Variants in PKD1L1 observed in about 807,000 individuals in gnomAD.
PKD1L1 encodes polycystin 1 like 1, transient receptor potential channel interacting.
A neutral mutation model predicts 323.4 loss-of-function variants in PKD1L1; 236 were observed. The ratio of observed to expected loss-of-function variants is 0.73; its 90% CI spans 0.66 to 0.81. PKD1L1 has a LOEUF of 0.81. Ranked by LOEUF, PKD1L1 falls within the 40% of genes least tolerant of loss-of-function variation. The probability of loss-of-function intolerance (pLI) is 0.00; values close to 1 mark genes in which losing one functional copy is unlikely to be tolerated. For synonymous variants in PKD1L1, 1,344 were observed against 1,335.0 expected (o/e 1.01, Z -0.15); for missense variants, 3,320 against 3,508.0 (o/e 0.95, Z 1.35).
At chr7:47,794,526 G>A (rs1787028804) in intron 55 of PKD1L1, among the ~76,000 whole-genome samples, 1 of 152,204 alleles carries the variant, frequency 6.6e-6, no homozygotes, top group Admixed American at 6.5e-5. Flanking sequence ...AAGATGTATG[G>A]AAATGCCTGG....
chr7:47,868,353 G>C (rs1330940900), intron 24 of PKD1L1, among the ~76,000 whole-genome samples: 1 of 151,356 alleles, frequency 6.6e-6, no homozygotes, highest in African/African-American at 2.4e-5. Flanking sequence ...TGGGCGACAG[G>C]GTGAGACCTT....
At chr7:47,856,621 C>T (rs939258179) in intron 28 of PKD1L1, among the ~76,000 whole-genome samples, 7 of 152,208 alleles carry the variant, frequency 4.6e-5, no homozygotes, top group South Asian at 4.2e-4. Context: ...GTCACACTGC[C>T]GAGCACCCTG....
intron 21 of PKD1L1, among the ~76,000 whole-genome samples, chr7:47,880,039 A>C (rs1020651302): frequency 1.7e-4 from 25 of 151,418 alleles, no homozygotes; most frequent in Non-Finnish European, 2.1e-4. Flanking sequence ...CAAAACGATG[A>C]TCTCAGATTG....
chr7:47,806,364 C>T (rs1297773589), intron 52 of PKD1L1, among the ~76,000 whole-genome samples: 1 of 152,230 alleles, frequency 6.6e-6, no homozygotes, highest in Non-Finnish European at 1.5e-5. Context: ...CCTTTAAGCA[C>T]AGGCAAGGGA....
Position 47,890,674 on chromosome 7 carries a change from G to C in PKD1L1, c.2543C>G (p.Thr848Ser). 1 of 1,614,114 alleles carries C rather than the reference G, an allele frequency of 6.2e-7. No homozygotes were observed. Among genetic ancestry groups the C allele is most frequent in the South Asian group, 1.1e-5 (1 of 91,076 alleles). Residue 848 changes from threonine (T) to serine (S), a missense_variant, in exon 16 of 57, where the codon ACT (threonine) becomes AGT (serine). Physicochemically the swap from Thr to Ser is moderately conservative, Grantham distance 58. Coordinates refer to ENST00000289672, the MANE Select transcript of PKD1L1 (RefSeq NM_138295.5). ...TAHQLDAAAP[T>S]VSFEAQWLSD... ...GAGCCATTGTGCCTCAAAGGAAACA[G>C]TGGGAGCCGCGGCATCCAGTTGGTG... is the stretch of plus-strand genomic sequence containing the variant.
intron 14 of PKD1L1, among the ~76,000 whole-genome samples, chr7:47,894,881 T>G (rs1465255631): frequency 6.6e-6 from 1 of 151,840 alleles, no homozygotes; most frequent in African/African-American, 2.4e-5. Flanking sequence ...CTGACGCAAT[T>G]TGAAAAAATA....
intron 36 of PKD1L1, among the ~76,000 whole-genome samples, chr7:47,838,343 G>C (rs1785499614): frequency 6.6e-6 from 1 of 152,212 alleles, no homozygotes; most frequent in Admixed American, 6.5e-5. Flanking sequence ...CGACACTGGG[G>C]ACTGTCTGAG....
chr7:47,893,850 C>T lies in PKD1L1; in HGVS notation c.2453+28G>A, dbSNP rs113440880. Reference sequence around the variant, plus strand: ...GCAGAATGCGCGGTCTGAGTAGCTGCGCAGCTCTGTGTGGGGGTGGTGCTC... The same window carrying T: ...GCAGAATGCGCGGTCTGAGTAGCTGTGCAGCTCTGTGTGGGGGTGGTGCTC... On this transcript the variant is annotated intron_variant, in intron 15 of 56. Transcript: ENST00000289672. 5,139 of 1,605,430 alleles carry T rather than the reference C, an allele frequency of 3.2e-3. 139 individuals are homozygous for T. In the African/African-American group the frequency reaches 0.059, roughly 18 times the overall value.
chr7:47,938,601 C>T (rs559059633), intron 3 of PKD1L1, among the ~76,000 whole-genome samples: 1 of 152,318 alleles, frequency 6.6e-6, no homozygotes, highest in African/African-American at 2.4e-5. Context: ...GTGACCTTCG[C>T]CTGAGCCCAC....
intron 7 of PKD1L1, among the ~76,000 whole-genome samples, chr7:47,915,924 G>T (rs1455542467): frequency 6.6e-6 from 1 of 152,150 alleles, no homozygotes; most frequent in South Asian, 2.1e-4. Context: ...CTTAACAGAT[G>T]AATTTCCATA....
At chr7:47,792,566 C>A in intron 56 of PKD1L1, 61 bp downstream of exon 56, 1 of 1,491,262 alleles carries the variant, frequency 6.7e-7, no homozygotes. Flanking sequence ...TATTCCAAAA[C>A]TCCTTTAGAA....
At chr7:47,857,542 A>G in intron 28 of PKD1L1, 63 bp downstream of exon 28, 2 of 1,414,602 alleles carry the variant, frequency 1.4e-6, no homozygotes, top group Middle Eastern at 2.0e-4. Flanking sequence ...TTTGTCATTT[A>G]AGCCCAATTA....
rs1562954928 is a variant in PKD1L1 at position 47,840,681 on chromosome 7, T to C, written c.5446-114A>G. ...AGCGTCCCACCCTTCCTCAAAACCA[T>C]CTGCACGGTGGAGTGCCACAGCCTA... On this transcript the variant is annotated intron_variant, in intron 34 of 56. Transcript: ENST00000289672. The surrounding 1 kb of genome is among the most constrained non-coding windows in gnomAD (Gnocchi z 4.1). 1.3e-6 allele frequency: 1 copy of C among 783,096 alleles called. No individual in the cohort carries two copies. Among genetic ancestry groups the C allele is most frequent in the Admixed American group, 2.1e-5 (1 of 47,264 alleles). 48.5% of individuals were successfully genotyped at this position (783,096 alleles called of 1,614,324 possible).
At chr7:47,805,418 T>C (rs979954539) in intron 52 of PKD1L1, among the ~76,000 whole-genome samples, 3 of 152,260 alleles carry the variant, frequency 2.0e-5, no homozygotes, top group Non-Finnish European at 4.4e-5. Context: ...TTCCTCTAAC[T>C]GTCTCTACAG....
chr7:47,869,763 T>C (rs1011359703), intron 24 of PKD1L1, among the ~76,000 whole-genome samples: 1 of 152,184 alleles, frequency 6.6e-6, no homozygotes, highest in Non-Finnish European at 1.5e-5. Context: ...ATTGAACATT[T>C]AGCCAACAAA....
chr7:47,778,618 T>G (rs558636631), intron 56 of PKD1L1, among the ~76,000 whole-genome samples: 1 of 152,254 alleles, frequency 6.6e-6, no homozygotes, highest in South Asian at 2.1e-4. Flanking sequence ...CAACTTCCAG[T>G]GTGCTTAAGT....
Position 47,890,530 on chromosome 7 carries a change from A to C in PKD1L1, c.2675+12T>G, listed in dbSNP as rs374231314. The C allele has an allele frequency of 1.9e-6, 3 of 1,612,870 alleles. No individual in the cohort carries two copies. The highest frequency in any genetic ancestry group is 2.5e-6 in the Non-Finnish European group (3 of 1,179,076). On this transcript the variant is annotated intron_variant, in intron 16 of 56. Coordinates refer to ENST00000289672, the MANE Select transcript of PKD1L1 (RefSeq NM_138295.5). ...CGGTGAGCTGAGCTGTGCTGAATAC[A>C]GGGTCAGGTACCTGAACGCCGAGTC... is the stretch of plus-strand genomic sequence containing the variant.
chr7:47,940,922 C>G (rs1192777815), intron 2 of PKD1L1, among the ~76,000 whole-genome samples: 1 of 152,238 alleles, frequency 6.6e-6, no homozygotes, highest in Non-Finnish European at 1.5e-5. Context: ...GGAATAGGAT[C>G]TGCGCACAGC....
In PKD1L1 at chr7:47,800,518, C is replaced by T. The variant is rs189845253; in HGVS notation, c.8193+131G>A. On this transcript the variant is annotated intron_variant, in intron 54 of 56. Transcript: ENST00000289672. ...GACCTCCCAGGGCAGGTGAGCTGGA[C>T]GGCAGGGATTCATTACCATGAGATC... 5.1e-5 allele frequency: 47 copies of T among 913,488 alleles called. 2 individuals carry two copies. Among genetic ancestry groups the T allele is most frequent in the Middle Eastern group, 3.1e-4 (1 of 3,276 alleles). 56.6% of individuals were successfully genotyped at this position (913,488 alleles called of 1,614,324 possible).
Sources: allele counts gnomAD v4.1 joint callset (sites outside exome capture counted in the v4.1 genomes callset), GRCh38; gene constraint gnomAD v4.1.1; non-coding constraint Gnocchi (gnomAD v3.1); transcripts MANE v1.5; gene names NCBI Gene and HGNC (gene_info 2026-07-23, HGNC 2026-07-21).